FAM120C: variants seen among roughly 807,000 people sequenced by gnomAD.
The protein encoded by FAM120C is family with sequence similarity 120 member C.
In FAM120C, 14 loss-of-function variants were observed where a neutral mutation model predicts 71.2. That is an observed-to-expected ratio of 0.20 (90% CI 0.13 to 0.31). The LOEUF is 0.31. Ranked by LOEUF, FAM120C falls within the 10% of genes least tolerant of loss-of-function variation. The probability of loss-of-function intolerance (pLI) is 1.00; values close to 1 mark genes in which losing one functional copy is unlikely to be tolerated. For synonymous variants in FAM120C, 354 were observed against 353.2 expected, an observed-to-expected ratio of 1.00 and a Z score of -0.03; for missense variants, 500 against 879.0, an observed-to-expected ratio of 0.57 and a Z score of 5.45.
chrX:54,165,468 TTAAC>T (rs1217235736), intron 1 of FAM120C, among the ~76,000 whole-genome samples: 1 of 111,624 alleles, frequency 9.0e-6, no homozygotes, highest in African/African-American at 3.3e-5. Flanking sequence ...ACTTCACACT[TTAAC>T]TAGGATAACC....
At chrX:54,089,415 C>A (rs1475373924) in intron 11 of FAM120C, among the ~76,000 whole-genome samples, 1 of 111,405 alleles carries the variant, frequency 9.0e-6, no homozygotes, top group East Asian at 2.8e-4. Flanking sequence ...TGCAGGTCCC[C>A]TCCTAGGTGT....
At chrX:54,145,146 G>A (rs1417059778) in intron 4 of FAM120C, among the ~76,000 whole-genome samples, 15 of 111,687 alleles carry the variant, frequency 1.3e-4, no homozygotes, top group African/African-American at 3.6e-4. Context: ...CCTTCCTTAC[G>A]CCTTATACAA....
chrX:54,114,759 T>C (rs782235097), intron 10 of FAM120C, among the ~76,000 whole-genome samples: 7 of 106,657 alleles, frequency 6.6e-5, no homozygotes, highest in Admixed American at 4.1e-4. Flanking sequence ...TGTTTGTTTG[T>C]TTTTTTGAGA....
chrX:54,167,313 C>A (rs2067264591), intron 1 of FAM120C, among the ~76,000 whole-genome samples: 1 of 111,850 alleles, frequency 8.9e-6, no homozygotes, highest in African/African-American at 3.2e-5. Context: ...AAGCGCCTGG[C>A]CCAAATTGGT....
At chrX:54,125,521 G>A (rs1236407315) in intron 9 of FAM120C, among the ~76,000 whole-genome samples, 1 of 112,062 alleles carries the variant, frequency 8.9e-6, no homozygotes, top group Non-Finnish European at 1.9e-5. Flanking sequence ...GCCCAGGCTG[G>A]TCTCAAATTC....
At chrX:54,112,707 G>C (rs1205718884) in intron 10 of FAM120C, among the ~76,000 whole-genome samples, 1 of 108,986 alleles carries the variant, frequency 9.2e-6, no homozygotes, top group Non-Finnish European at 1.9e-5. Flanking sequence ...CAGGCATGGT[G>C]GCGGGCGCCT....
intron 10 of FAM120C, among the ~76,000 whole-genome samples, chrX:54,094,799 AGGCAGGAG>A (rs1379744305): frequency 9.1e-6 from 1 of 110,305 alleles, no homozygotes; most frequent in Non-Finnish European, 1.9e-5. Context: ...GGGGAGGCTG[AGGCAGGAG>A]GGCAGGAGAA....
chrX:54,182,391 G>C (rs2067355094), intron 1 of FAM120C, 109 bp downstream of exon 1: 1 of 944,343 alleles, frequency 1.1e-6, no homozygotes, highest in Non-Finnish European at 1.4e-6. Context: ...CGGGTAGGTG[G>C]GTGGGTAGAT....
At chrX:54,176,071 G>A (rs1173992427) in intron 1 of FAM120C, among the ~76,000 whole-genome samples, 13 of 111,978 alleles carry the variant, frequency 1.2e-4, no homozygotes, top group African/African-American at 3.6e-4. Context: ...CCATGTTCTA[G>A]CAGTGTATCC....
At chrX:54,138,698 G>A (rs986904167) in intron 4 of FAM120C, among the ~76,000 whole-genome samples, 4 of 109,758 alleles carry the variant, frequency 3.6e-5, no homozygotes, top group Non-Finnish European at 7.6e-5. Context: ...GGTGGTGCAC[G>A]CCTGTAGTCC....
intron 14 of FAM120C, among the ~76,000 whole-genome samples, chrX:54,081,096 G>A (rs1427208056): frequency 1.8e-5 from 2 of 109,004 alleles, no homozygotes; most frequent in East Asian, 2.9e-4. Flanking sequence ...ACTTGAACTC[G>A]GGAGGCAGAG....
intron 10 of FAM120C, among the ~76,000 whole-genome samples, chrX:54,097,138 T>C (rs1277763648): frequency 8.9e-6 from 1 of 112,081 alleles, no homozygotes; most frequent in African/African-American, 3.2e-5. Flanking sequence ...GTGAAACAAT[T>C]CATGGCTTGT....
intron 3 of FAM120C, among the ~76,000 whole-genome samples, chrX:54,152,240 A>AATT: frequency 9.0e-6 from 1 of 110,713 alleles, no homozygotes; most frequent in Middle Eastern, 4.6e-3. Context: ...TGTTGTCTAT[A>AATT]ATTATTATTA....
chrX:54,076,871 C>T (rs1441268345), intron 15 of FAM120C, among the ~76,000 whole-genome samples: 1 of 111,499 alleles, frequency 9.0e-6, no homozygotes, highest in African/African-American at 3.3e-5. Context: ...GCAGGCGGAT[C>T]ACCCGAGCTC....
chrX:54,144,049 G>C (rs1020303920), intron 4 of FAM120C, among the ~76,000 whole-genome samples: 45 of 111,478 alleles, frequency 4.0e-4, no homozygotes, highest in African/African-American at 1.3e-3. Context: ...ATAAACAGAA[G>C]CAAAGACAAA....
chrX:54,136,273 T>TA (rs1265059686), intron 5 of FAM120C, among the ~76,000 whole-genome samples: 1 of 112,107 alleles, frequency 8.9e-6, no homozygotes, highest in Non-Finnish European at 1.9e-5. Context: ...GTGCTGGGAT[T>TA]ATAGGCGTGA....
At chrX:54,178,914 C>T (rs1484727696) in intron 1 of FAM120C, among the ~76,000 whole-genome samples, 1 of 111,961 alleles carries the variant, frequency 8.9e-6, no homozygotes, top group Non-Finnish European at 1.9e-5. Flanking sequence ...CATAATCATT[C>T]TAAAAAAGTA....
chrX:54,142,932 A>G (rs782354443), intron 4 of FAM120C, among the ~76,000 whole-genome samples: 80 of 111,984 alleles, frequency 7.1e-4, no homozygotes, highest in African/African-American at 2.5e-3. Flanking sequence ...CCATTCTGCA[A>G]TATTTGCTGT....
chrX:54,173,475 C>T (rs1025637413), intron 1 of FAM120C, among the ~76,000 whole-genome samples: 41 of 112,096 alleles, frequency 3.7e-4, no homozygotes, highest in African/African-American at 1.2e-3. Context: ...CTCGAACTTC[C>T]GACCTCAGGT....
Sources: allele counts gnomAD v4.1 joint callset (sites outside exome capture counted in the v4.1 genomes callset), GRCh38; gene constraint gnomAD v4.1.1; transcripts MANE v1.5; gene names NCBI Gene and HGNC (gene_info 2026-07-23, HGNC 2026-07-21).